Variants in AFF3 observed in about 807,000 individuals in gnomAD.
AFF3 encodes ALF transcription elongation factor 3, also known as AF4/FMR2 family member 3.
AFF3 carries 32 observed loss-of-function variants against 129.7 expected under a neutral mutation model. The ratio of observed to expected loss-of-function variants is 0.25; its 90% CI spans 0.19 to 0.33. The LOEUF is 0.33. Among genes scored for constraint, AFF3 ranks in the 10% least tolerant of loss-of-function variants. The pLI, the probability that AFF3 is intolerant of heterozygous loss-of-function variation, is 1.00. For synonymous variants in AFF3, 644 were observed against 635.4 expected (o/e 1.01, Z -0.20); for missense variants, 1,373 against 1,592.0 (o/e 0.86, Z 2.34).
intron 7 of AFF3, among the ~76,000 whole-genome samples, chr2:99,945,485 G>A (rs1675469366): frequency 6.6e-6 from 1 of 152,106 alleles, no homozygotes; most frequent in African/African-American, 2.4e-5. Flanking sequence ...TCCCACCCTG[G>A]GAGTCATCAG....
chr2:99,617,825 C>T (rs901888380), intron 13 of AFF3, among the ~76,000 whole-genome samples: 1 of 152,170 alleles, frequency 6.6e-6, no homozygotes, highest in African/African-American at 2.4e-5. Flanking sequence ...AAGTCAGCTA[C>T]AGTTATGTCT....
At chr2:99,598,200 AG>A (rs1157284624) in intron 14 of AFF3, among the ~76,000 whole-genome samples, 3 of 152,322 alleles carry the variant, frequency 2.0e-5, no homozygotes, top group African/African-American at 7.2e-5. Context: ...ATTTTGTCCC[AG>A]ATCTCTTTAA....
rs1230321465 is a variant in AFF3, at chr2:99,549,161, G to GT, written c.*2312dup. The GT allele has an allele frequency of 4.6e-6, 1 of 219,568 alleles. No homozygotes were observed. The highest frequency in any genetic ancestry group is 9.1e-6 in the Non-Finnish European group (1 of 109,648). 13.6% of individuals were successfully genotyped at this position (219,568 alleles called of 1,614,324 possible). A position where few individuals can be genotyped will look rare whatever the true frequency, so the allele number is the denominator to read the frequency against. ...GACCTCCAGGGCCATCCCTTTATGT[G>GT]TTTGAATATTTCATCAGGATTCTTC... On this transcript the variant is annotated 3_prime_UTR_variant, in exon 25 of 25. Transcript: ENST00000672756.
intron 11 of AFF3, among the ~76,000 whole-genome samples, chr2:99,718,125 T>C (rs900602865): frequency 1.3e-5 from 2 of 152,248 alleles, no homozygotes; most frequent in African/African-American, 4.8e-5. Flanking sequence ...ACTCTGTTGT[T>C]CTTAAAGACT....
chr2:99,786,975 G>A lies in AFF3; in HGVS notation c.922-34674C>T, dbSNP rs188122829. Among the ~76,000 whole-genome samples the A allele has an allele frequency of 1.8e-4, 28 of 152,220 alleles. No homozygotes were observed. In the East Asian group the frequency reaches 3.3e-3, roughly 18 times the overall value. The stretch of plus-strand genomic sequence containing the variant: ...ACAATATTAACACAGTCAAGCACCA[G>A]GATCGGTACTTGAGGGCATCATTAA... On this transcript the variant is annotated intron_variant, in intron 8 of 24. Coordinates refer to ENST00000672756, the MANE Select transcript of AFF3 (RefSeq NM_001386135.1).
At chr2:99,578,690 C>T (rs576088998) in intron 17 of AFF3, among the ~76,000 whole-genome samples, 3 of 152,172 alleles carry the variant, frequency 2.0e-5, no homozygotes, top group Non-Finnish European at 2.9e-5. Flanking sequence ...GAAGTCATGA[C>T]GCCTACTCTC....
At chr2:99,611,568 C>T (rs979899978) in intron 13 of AFF3, among the ~76,000 whole-genome samples, 5 of 151,998 alleles carry the variant, frequency 3.3e-5, no homozygotes, top group African/African-American at 7.3e-5. Context: ...TTTCCCCCCA[C>T]GGTGTTTGTC....
At chr2:100,103,384 G>A (rs1445163257) in intron 4 of AFF3, among the ~76,000 whole-genome samples, 7 of 151,248 alleles carry the variant, frequency 4.6e-5, no homozygotes, top group Non-Finnish European at 8.8e-5. Flanking sequence ...ACAGAGTGCA[G>A]TTAATATGCT....
intron 20 of AFF3, among the ~76,000 whole-genome samples, chr2:99,563,573 G>A (rs1675683958): frequency 6.6e-6 from 1 of 151,310 alleles, no homozygotes; most frequent in African/African-American, 2.4e-5. Flanking sequence ...CACTTTGGGA[G>A]GCCGAAGCAG....
At chr2:99,663,060 T>G (rs1333195219) in intron 12 of AFF3, among the ~76,000 whole-genome samples, 2 of 152,256 alleles carry the variant, frequency 1.3e-5, no homozygotes, top group Non-Finnish European at 2.9e-5. Context: ...CCTATGTTTT[T>G]ATTCCATGTC....
intron 7 of AFF3, among the ~76,000 whole-genome samples, chr2:99,968,073 T>C (rs7576469): frequency 0.19 from 28,947 of 152,168 alleles, 3,620 homozygotes; most frequent in African/African-American, 0.35. Flanking sequence ...CATGCACCTA[T>C]ACACATCCAT....
intron 4 of AFF3, among the ~76,000 whole-genome samples, chr2:100,078,889 C>G (rs185103347): frequency 6.6e-6 from 1 of 151,410 alleles, no homozygotes; most frequent in African/African-American, 2.4e-5. Context: ...AGCTGTTATA[C>G]TATAGTTTCT....
At chr2:99,627,674 C>T (rs568196321) in intron 13 of AFF3, among the ~76,000 whole-genome samples, 19 of 152,192 alleles carry the variant, frequency 1.2e-4, no homozygotes, top group Admixed American at 2.0e-4. Context: ...ATATTGCCTA[C>T]GTTGTCTTCC....
chr2:99,717,623 T>C (rs893189120), intron 11 of AFF3, among the ~76,000 whole-genome samples: 3 of 152,350 alleles, frequency 2.0e-5, no homozygotes, highest in Middle Eastern at 3.4e-3. Context: ...CACAAATTAT[T>C]TGTCAGATAC....
intron 13 of AFF3, among the ~76,000 whole-genome samples, chr2:99,636,518 G>A (rs528350866): frequency 3.5e-4 from 54 of 152,314 alleles, no homozygotes; most frequent in African/African-American, 1.3e-3. Context: ...GGATGAGAGC[G>A]GCAATGGGTA....
At chr2:99,581,853 GTT>G (rs1197222142) in intron 17 of AFF3, among the ~76,000 whole-genome samples, 8 of 121,554 alleles carry the variant, frequency 6.6e-5, no homozygotes, top group Non-Finnish European at 6.8e-5. Flanking sequence ...AGGTGTTGGA[GTT>G]TTTTTTTTTT....
intron 7 of AFF3, among the ~76,000 whole-genome samples, chr2:99,938,024 C>T (rs1406674242): frequency 1.3e-5 from 2 of 152,192 alleles, no homozygotes; most frequent in Non-Finnish European, 2.9e-5. Flanking sequence ...TCATTCAGAG[C>T]TCCATGACCT....
intron 8 of AFF3, among the ~76,000 whole-genome samples, chr2:99,785,357 C>T (rs1267472318): frequency 1.3e-5 from 2 of 152,170 alleles, no homozygotes; most frequent in Admixed American, 1.3e-4. Context: ...AAAGTAATAG[C>T]ACAGAAGTGG....
chr2:99,636,228 A>C (rs983174650), intron 13 of AFF3, among the ~76,000 whole-genome samples: 1 of 152,168 alleles, frequency 6.6e-6, no homozygotes, highest in African/African-American at 2.4e-5. Flanking sequence ...CTGTGGCCTA[A>C]TGTGGCTCCC....
Sources: gnomAD v4.1 joint callset for allele counts (sites outside exome capture counted in the v4.1 genomes callset) on GRCh38, gnomAD v4.1.1 for gene constraint, MANE v1.5 for transcripts, NCBI Gene and HGNC (gene_info 2026-07-23, HGNC 2026-07-21) for gene names.